Variants in TUSC3 observed in about 807,000 individuals in gnomAD.
TUSC3 encodes dolichyl-diphosphooligosaccharide--protein glycosyltransferase subunit TUSC3.
TUSC3 carries 45 observed loss-of-function variants against 44.8 expected under a neutral mutation model. The observed-to-expected ratio is 1.00, with a 90% confidence interval of 0.79 to 1.29. The LOEUF (loss-of-function observed/expected upper bound fraction) is 1.29. TUSC3 is among the 50% of genes most tolerant of loss of function. The pLI is 0.00. For missense variants in TUSC3, 519 were observed against 437.9 expected, an observed-to-expected ratio of 1.19 and a Z score of -1.65; for synonymous variants, 212 against 152.9, an observed-to-expected ratio of 1.39 and a Z score of -2.85.
chr8:15,675,317 A>C (rs1835140), intron 6 of TUSC3, among the ~76,000 whole-genome samples: 1 of 151,682 alleles, frequency 6.6e-6, no homozygotes, highest in African/African-American at 2.4e-5. Flanking sequence ...GGTATAAAAC[A>C]TATTAAGGCA....
At chr8:15,445,837 T>G (rs1365866141) in intron 1 of TUSC3, among the ~76,000 whole-genome samples, 1 of 152,192 alleles carries the variant, frequency 6.6e-6, no homozygotes, top group Non-Finnish European at 1.5e-5. Flanking sequence ...TGGGTACACC[T>G]CCCAGATGGT....
intron 1 of TUSC3, among the ~76,000 whole-genome samples, chr8:15,578,265 G>A: frequency 9.1e-6 from 1 of 109,840 alleles, no homozygotes; most frequent in African/African-American, 3.7e-5. Flanking sequence ...TGCAAACAGG[G>A]ACAATTTGAC....
At chr8:15,802,279 CA>C in the TUSC3 span, among the ~76,000 whole-genome samples, 1 of 152,216 alleles carries the variant, frequency 6.6e-6, no homozygotes, top group Non-Finnish European at 1.5e-5. Flanking sequence ...AGGAAATTAA[CA>C]TGCCTTCTTT....
chr8:15,624,916 G>A (rs1380814578), intron 2 of TUSC3, among the ~76,000 whole-genome samples: 1 of 151,712 alleles, frequency 6.6e-6, no homozygotes, highest in African/African-American at 2.4e-5. Context: ...AAATTTTCTA[G>A]TTTGATGTTT....
At chr8:15,728,755 G>T (rs1165509463) in intron 6 of TUSC3, among the ~76,000 whole-genome samples, 4 of 152,124 alleles carry the variant, frequency 2.6e-5, no homozygotes, top group African/African-American at 9.6e-5. Context: ...ACCTGGGAAG[G>T]CTGAGTAGAG....
intron 2 of TUSC3, among the ~76,000 whole-genome samples, chr8:15,513,706 C>G (rs1468150636): frequency 6.6e-6 from 1 of 151,630 alleles, no homozygotes; most frequent in African/African-American, 2.4e-5. Flanking sequence ...TTACCTGGGT[C>G]TACACACATT....
At chr8:15,565,190 G>C (rs1239532388) in intron 1 of TUSC3, among the ~76,000 whole-genome samples, 2 of 149,724 alleles carry the variant, frequency 1.3e-5, no homozygotes, top group Non-Finnish European at 1.5e-5. Flanking sequence ...GTCTTTTGCA[G>C]TTTCTAGAGG....
intron 1 of TUSC3, among the ~76,000 whole-genome samples, chr8:15,436,525 G>A (rs535363888): frequency 1.3e-5 from 2 of 152,146 alleles, no homozygotes; most frequent in African/African-American, 4.8e-5. Flanking sequence ...TTATGCCGAA[G>A]AAATAGAGGT....
At chr8:15,823,654 A>G in the TUSC3 span, among the ~76,000 whole-genome samples, 1 of 152,230 alleles carries the variant, frequency 6.6e-6, no homozygotes, top group Non-Finnish European at 1.5e-5. Context: ...AAGTTTCTCC[A>G]TATAAAATGT....
intron 1 of TUSC3, among the ~76,000 whole-genome samples, chr8:15,574,852 A>C (rs1054950090): frequency 5.9e-5 from 9 of 152,186 alleles, no homozygotes; most frequent in Non-Finnish European, 1.3e-4. Flanking sequence ...TAGAGCAATC[A>C]GCCAGTTAGA....
the TUSC3 span, among the ~76,000 whole-genome samples, chr8:15,829,680 TTC>T: frequency 2.0e-5 from 3 of 152,106 alleles, no homozygotes; most frequent in African/African-American, 7.2e-5. Flanking sequence ...ATATCTTTAA[TTC>T]TGAGATTATG....
chr8:15,765,342 C>T lies in TUSC3; in HGVS notation c.*1186C>T, dbSNP rs1214553425. The T allele has an allele frequency of 6.6e-6, 1 of 151,944 alleles. No individual in the cohort carries two copies. The highest frequency in any genetic ancestry group is 1.5e-5 in the Non-Finnish European group (1 of 67,918). 9.4% of individuals were successfully genotyped at this position (151,944 alleles called of 1,614,324 possible). A position where few individuals can be genotyped will look rare whatever the true frequency, so the allele number is the denominator to read the frequency against. On this transcript the variant is annotated 3_prime_UTR_variant, in exon 11 of 11. Transcript: ENST00000503731. ...TTTAGGAAAGCAGTTCTTCTTGAGTCAGTTCAATAAGTGTTTGCTTTTTGT... is the reference window on the plus strand; with the variant it reads ...TTTAGGAAAGCAGTTCTTCTTGAGTTAGTTCAATAAGTGTTTGCTTTTTGT...
intron 1 of TUSC3, among the ~76,000 whole-genome samples, chr8:15,424,689 G>T (rs567293600): frequency 6.6e-6 from 1 of 152,018 alleles, no homozygotes; most frequent in Non-Finnish European, 1.5e-5. Flanking sequence ...GACTATCCTG[G>T]CTAACACGGT....
rs545595019 is a variant in TUSC3 at position 15,587,318 on chromosome 8, G to A, written c.139-35762G>A. ...TCTTTCTGGATTTGTTAGCATTCCA[G>A]AAATGTACCTTTTGCACTTAAGGCA... On this transcript the variant is annotated intron_variant, in intron 1 of 10. Coordinates refer to ENST00000503731, the MANE Select transcript of TUSC3 (RefSeq NM_006765.4). Among the ~76,000 whole-genome samples, 53 of 152,204 alleles carry A rather than the reference G, an allele frequency of 3.5e-4. 1 individual carries two copies. Among genetic ancestry groups the A allele is most frequent in the Middle Eastern group, 3.4e-3 (1 of 294 alleles).
At chr8:15,762,850 T>G (rs17578129) in intron 10 of TUSC3, among the ~76,000 whole-genome samples, 3,215 of 152,164 alleles carry the variant, frequency 0.021, 49 homozygotes, top group East Asian at 0.063. Context: ...TTAAGGATCA[T>G]GCGGATTGAA....
intron 1 of TUSC3, among the ~76,000 whole-genome samples, chr8:15,589,894 C>G (rs1429056294): frequency 2.0e-5 from 3 of 152,138 alleles, no homozygotes; most frequent in Non-Finnish European, 4.4e-5. Flanking sequence ...TTCTCACTAT[C>G]CCTAGTGAGG....
intron 6 of TUSC3, among the ~76,000 whole-genome samples, chr8:15,682,613 C>T (rs1808471255): frequency 6.6e-6 from 1 of 152,032 alleles, no homozygotes; most frequent in African/African-American, 2.4e-5. Context: ...CCCTGTGTGT[C>T]TATTAAGTGG....
chr8:15,435,269 C>T (rs1458250194), intron 1 of TUSC3, among the ~76,000 whole-genome samples: 2 of 152,030 alleles, frequency 1.3e-5, no homozygotes, highest in African/African-American at 4.8e-5. Flanking sequence ...TTTTGATTTG[C>T]ATTTCTCTGG....
chr8:15,481,240 T>G (rs1054124494), intron 1 of TUSC3, among the ~76,000 whole-genome samples: 5 of 98,256 alleles, frequency 5.1e-5, no homozygotes, highest in African/African-American at 2.2e-4. Context: ...AGAGTGAAAC[T>G]CCATCTCAAA....
Sources: allele counts gnomAD v4.1 joint callset (sites outside exome capture counted in the v4.1 genomes callset), GRCh38; gene constraint gnomAD v4.1.1; transcripts MANE v1.5; gene names NCBI Gene and HGNC (gene_info 2026-07-23, HGNC 2026-07-21).